SCN7A: variants seen among roughly 807,000 people sequenced by gnomAD.
The protein encoded by SCN7A is sodium voltage-gated channel alpha subunit 7, also known as sodium channel protein type 7 subunit alpha.
Under a neutral mutation model 155.2 loss-of-function variants are expected in SCN7A, and 138 were observed. The observed-to-expected ratio is 0.89, with a 90% CI of 0.77 to 1.02. The LOEUF (loss-of-function observed/expected upper bound fraction) is 1.02, where lower values mean the gene tolerates loss of function less well. Among genes scored for constraint, SCN7A ranks in the 50% least tolerant of loss-of-function variants. The probability of loss-of-function intolerance (pLI) is 0.00; values close to 1 mark genes in which losing one functional copy is unlikely to be tolerated. For missense variants in SCN7A, 2,058 were observed against 1,986.6 expected (o/e 1.04, Z -0.68); for synonymous variants, 693 against 649.0 (o/e 1.07, Z -1.03).
intron 20 of SCN7A, among the ~76,000 whole-genome samples, chr2:166,418,357 C>T (rs1176085597): frequency 1.4e-5 from 2 of 139,994 alleles, no homozygotes; most frequent in East Asian, 4.4e-4. Flanking sequence ...GTCTTGAACT[C>T]CTGACCTCAG....
intron 18 of SCN7A, 119 bp downstream of exon 18, chr2:166,427,669 T>A (rs919333777): frequency 4.1e-6 from 3 of 726,500 alleles, no homozygotes; most frequent in Non-Finnish European, 6.1e-6. Flanking sequence ...AATTTGGTGC[T>A]ATTTGGTGCT....
At position 166,436,408 on chromosome 2, in the gene SCN7A, C is replaced by T. The variant is rs749133919; in HGVS notation, c.2158-3656G>A. ...AGGACATGCCTGCTTCCTCTTCCACCGTGATTGTAAGTTTCCTGAGGCCTC... is the reference window on the plus strand; with the variant it reads ...AGGACATGCCTGCTTCCTCTTCCACTGTGATTGTAAGTTTCCTGAGGCCTC... On this transcript the variant is annotated intron_variant, in intron 15 of 25. Transcript: ENST00000643258. 7 of 442,418 alleles carry T rather than the reference C, an allele frequency of 1.6e-5. No homozygotes were observed. In the East Asian group the frequency reaches 2.2e-4, roughly 14 times the overall value. The allele number at this position is 442,418 out of a possible 1,614,324, so 27.4% of individuals were successfully genotyped here.
intron 2 of SCN7A, among the ~76,000 whole-genome samples, chr2:166,485,200 C>G (rs1050838435): frequency 6.6e-6 from 1 of 152,098 alleles, no homozygotes; most frequent in East Asian, 1.9e-4. Flanking sequence ...CTAATCTTAC[C>G]TTGTTAATCT....
chr2:166,409,040 A>G (rs2105360683), intron 25 of SCN7A, among the ~76,000 whole-genome samples: 2 of 152,108 alleles, frequency 1.3e-5, no homozygotes, highest in Middle Eastern at 6.8e-3. Flanking sequence ...CCTTAATAGC[A>G]CACATTAAAA....
At chr2:166,430,694 C>G (rs1701715536) in intron 16 of SCN7A, among the ~76,000 whole-genome samples, 1 of 151,584 alleles carries the variant, frequency 6.6e-6, no homozygotes, top group African/African-American at 2.4e-5. Context: ...ACAAAAAATA[C>G]AAGTTACAAA....
chr2:166,432,831 T>A, intron 15 of SCN7A, 79 bp from the exon 16 acceptor site: 1 of 1,000,142 alleles, frequency 1.0e-6, no homozygotes. Context: ...TTTACAAAAC[T>A]GATGAGAACA....
chr2:166,478,884 T>A (rs1218594796), intron 2 of SCN7A, among the ~76,000 whole-genome samples: 1 of 152,030 alleles, frequency 6.6e-6, no homozygotes, highest in African/African-American at 2.4e-5. Context: ...CAATTCCCCA[T>A]TCATGAACCT....
chr2:166,451,347 T>A (rs1258585924), intron 11 of SCN7A, among the ~76,000 whole-genome samples: 5 of 152,184 alleles, frequency 3.3e-5, no homozygotes, highest in Non-Finnish European at 5.9e-5. Context: ...GGTCAAATAC[T>A]AAGGATATAG....
intron 18 of SCN7A, among the ~76,000 whole-genome samples, chr2:166,423,781 G>T (rs1336666811): frequency 6.6e-6 from 1 of 152,004 alleles, no homozygotes. Flanking sequence ...ATCTGACATG[G>T]ATCTTATATG....
intron 10 of SCN7A, chr2:166,462,131 C>G: frequency 3.6e-6 from 1 of 276,476 alleles, no homozygotes. Context: ...AATACACACA[C>G]TCTCTTCTCT....
At chr2:166,467,865 A>G (rs1366393775) in intron 7 of SCN7A, among the ~76,000 whole-genome samples, 8 of 151,918 alleles carry the variant, frequency 5.3e-5, no homozygotes, top group Non-Finnish European at 1.0e-4. Flanking sequence ...TTATTTTCAT[A>G]AATTAGGTTT....
intron 17 of SCN7A, among the ~76,000 whole-genome samples, chr2:166,428,879 G>A (rs186222907): frequency 6.6e-6 from 1 of 152,124 alleles, no homozygotes; most frequent in African/African-American, 2.4e-5. Context: ...GCACTGAGAT[G>A]TTTGTGTATA....
intron 2 of SCN7A, among the ~76,000 whole-genome samples, chr2:166,481,657 C>T (rs1234286859): frequency 1.3e-5 from 2 of 152,058 alleles, no homozygotes; most frequent in Non-Finnish European, 2.9e-5. Context: ...TGCTGTAATC[C>T]AAGAACACCA....
At chr2:166,465,554 T>C (rs1436797469) in intron 8 of SCN7A, 23 bp from the exon 9 acceptor site, 2 of 1,532,380 alleles carry the variant, frequency 1.3e-6, no homozygotes, top group Admixed American at 3.7e-5. Context: ...CAAGAAATGA[T>C]ATTCTATATG....
rs764927579 is a variant in SCN7A at position 166,427,861 on chromosome 2, CA to C, written c.2779del (p.Cys927AlafsTer5). 6.2e-7 allele frequency: 1 copy of C among 1,612,638 alleles called. No homozygotes were observed. Among genetic ancestry groups the C allele is most frequent in the South Asian group, 1.1e-5 (1 of 90,994 alleles). Reference protein sequence around the residue: ...GKIWQNIRKTCCKIVENNWFK... With the variant: ...GKIWQNIRKTXCKIVENNWFK... The stretch of plus-strand genomic sequence containing the variant: ...CCAATTGTTCTCTACAATCTTGCAG[CA>C]GGTTTTCCTGATGTTCTGCCAGATT... On this transcript the variant is annotated frameshift_variant, in exon 18 of 26. Coordinates refer to ENST00000643258, the MANE Select transcript of SCN7A (RefSeq NM_002976.4). LOFTEE classifies it high-confidence loss of function.
chr2:166,423,318 A>T lies in SCN7A; in HGVS notation c.2968T>A (p.Tyr990Asn), dbSNP rs564522144. ...ILEMLLKWMAYGFKAYFSNGW... is the reference protein window; with the variant it reads ...ILEMLLKWMANGFKAYFSNGW... Reference sequence around the variant, plus strand: ...TTAGAGAAATAGGCCTTAAAACCATATGCCATCCATTTTAGAAGCATTTCC... The same window carrying T: ...TTAGAGAAATAGGCCTTAAAACCATTTGCCATCCATTTTAGAAGCATTTCC... Residue 990 changes from tyrosine to asparagine, a missense_variant, in exon 19 of 26, where the codon TAT becomes AAT. Coordinates refer to ENST00000643258, the MANE Select transcript of SCN7A (RefSeq NM_002976.4). 1 of 1,612,402 alleles carries T rather than the reference A, an allele frequency of 6.2e-7. No individual in the cohort carries two copies. Among genetic ancestry groups the T allele is most frequent in the East Asian group, 2.2e-5 (1 of 44,802 alleles).
chr2:166,432,850 C>A (rs1365209961), intron 15 of SCN7A, 98 bp from the exon 16 acceptor site: 1 of 796,854 alleles, frequency 1.3e-6, no homozygotes, highest in Admixed American at 3.3e-5. Flanking sequence ...CATTTAATAT[C>A]TACTCTGTTA....
chr2:166,441,814 A>C, intron 14 of SCN7A, 62 bp from the exon 15 acceptor site: 5 of 1,259,264 alleles, frequency 4.0e-6, no homozygotes, highest in Non-Finnish European at 5.6e-6. Context: ...GTCAGTGTAT[A>C]TTACAAGGTA....
chr2:166,450,537 C>G lies in SCN7A; in HGVS notation c.1291-2829G>C, dbSNP rs565239229. Among the ~76,000 whole-genome samples, 184 of 152,222 alleles carry G rather than the reference C, an allele frequency of 1.2e-3. 1 individual carries two copies. Among genetic ancestry groups the G allele is most frequent in the Admixed American group, 1.2e-3 (19 of 15,290 alleles). On this transcript the variant is annotated intron_variant, in intron 11 of 25. Transcript: ENST00000643258. ...CAGGATGTGGACGGGTGTGGTGGCT[C>G]ACGCCTGTAATCCCAGCACTTTGGG...
Sources: allele counts gnomAD v4.1 joint callset (sites outside exome capture counted in the v4.1 genomes callset), GRCh38; gene constraint gnomAD v4.1.1; transcripts MANE v1.5; gene names NCBI Gene and HGNC (gene_info 2026-07-23, HGNC 2026-07-21).